Variants in LRRC7 observed in about 807,000 individuals in gnomAD.
LRRC7 encodes leucine rich repeat containing 7, also known as leucine-rich repeat-containing protein 7.
Under a neutral mutation model 175.7 loss-of-function variants are expected in LRRC7, and 23 were observed. The observed-to-expected ratio is 0.13, with a 90% CI of 0.09 to 0.19. LRRC7 has a LOEUF of 0.19. Among genes scored for constraint, LRRC7 ranks in the 10% least tolerant of loss-of-function variants. The pLI, the probability that LRRC7 is intolerant of heterozygous loss-of-function variation, is 1.00. For synonymous variants in LRRC7, 685 were observed against 680.9 expected (o/e 1.01, Z -0.09); for missense variants, 1,354 against 1,904.7 (o/e 0.71, Z 5.38).
In LRRC7 at chr1:69,750,220, A is replaced by T. The variant is rs967988990; in HGVS notation, c.101-9971A>T. 1.1e-4 allele frequency among the ~76,000 whole-genome samples: 17 copies of T among 152,184 alleles called. 1 individual carries two copies. Among genetic ancestry groups the T allele is most frequent in the Middle Eastern group, 3.4e-3 (1 of 294 alleles). On this transcript the variant is annotated intron_variant, in intron 2 of 26. Transcript: ENST00000651989. ...GAAAGGTTGGTTAATGGGTAAAAAA[A>T]TACAGTTAAGAGCAAAGGAGCAAGT...
Position 69,786,207 on chromosome 1 carries a change from A to C in LRRC7, c.304-5836A>C, listed in dbSNP as rs376037717. On this transcript the variant is annotated intron_variant, in intron 3 of 26. Coordinates refer to ENST00000651989, the MANE Select transcript of LRRC7 (RefSeq NM_001370785.2). ...ACCTGGCACTTGGGGCAATACTAAC[A>C]CAGGACCACTTATAACTCTCAAGTG... 1.1e-4 allele frequency among the ~76,000 whole-genome samples: 17 copies of C among 152,194 alleles called. 1 individual carries two copies. Among genetic ancestry groups the C allele is most frequent in the Admixed American group, 7.9e-4 (12 of 15,278 alleles).
chr1:69,706,111 G>A (rs1664008016), intron 2 of LRRC7, among the ~76,000 whole-genome samples: 1 of 152,022 alleles, frequency 6.6e-6, no homozygotes, highest in Non-Finnish European at 1.5e-5. Context: ...CAAGTTAATG[G>A]CCTTGTCTTG....
chr1:69,597,297 TA>T lies in LRRC7; in HGVS notation c.2+28658del, dbSNP rs137879756. Among the ~76,000 whole-genome samples the T allele has an allele frequency of 7.1e-3, 1,079 of 152,284 alleles. 6 individuals are homozygous for T. Among genetic ancestry groups the T allele is most frequent in the Middle Eastern group, 0.031 (9 of 294 alleles). ...TAATCTCATTCCACCACATTCTAGC[TA>T]ACCTTGGATGGGTTATTCAATTTTG... On this transcript the variant is annotated intron_variant, in intron 1 of 26. Transcript: ENST00000651989.
chr1:69,910,346 A>G (rs2101699352), intron 7 of LRRC7, among the ~76,000 whole-genome samples: 1 of 152,162 alleles, frequency 6.6e-6, no homozygotes. Context: ...GATGATGGTG[A>G]CGTACAGAAG....
chr1:69,918,427 G>C (rs369207127), intron 7 of LRRC7, among the ~76,000 whole-genome samples: 50 of 152,242 alleles, frequency 3.3e-4, no homozygotes, highest in African/African-American at 1.2e-3. Flanking sequence ...AATCTTACTT[G>C]TTTGTATGCT....
chr1:69,889,180 T>C (rs1441689400), intron 7 of LRRC7, among the ~76,000 whole-genome samples: 1 of 152,220 alleles, frequency 6.6e-6, no homozygotes, highest in Non-Finnish European at 1.5e-5. Context: ...TGTTAGTGAC[T>C]GCTGACTGAT....
At chr1:69,766,780 A>C (rs1671667415) in intron 3 of LRRC7, among the ~76,000 whole-genome samples, 2 of 152,238 alleles carry the variant, frequency 1.3e-5, no homozygotes, top group African/African-American at 4.8e-5. Flanking sequence ...TTTAATTGTA[A>C]ATGCTTTCAC....
intron 11 of LRRC7, among the ~76,000 whole-genome samples, chr1:70,001,748 AC>A: frequency 6.6e-6 from 1 of 152,278 alleles, no homozygotes; most frequent in East Asian, 1.9e-4. Flanking sequence ...TTGTTGCTGA[AC>A]CTTACTATGT....
chr1:69,777,630 C>T (rs1672959362), intron 3 of LRRC7, among the ~76,000 whole-genome samples: 1 of 152,160 alleles, frequency 6.6e-6, no homozygotes, highest in Admixed American at 6.5e-5. Context: ...TTACCTGTTT[C>T]AGTTGGTGAC....
chr1:69,711,909 A>G (rs898959376), intron 2 of LRRC7, among the ~76,000 whole-genome samples: 1 of 152,170 alleles, frequency 6.6e-6, no homozygotes, highest in African/African-American at 2.4e-5. Context: ...AAAGATGTAG[A>G]AAGTTCAGGA....
At chr1:70,103,220 C>A (rs1206604277) in intron 25 of LRRC7, among the ~76,000 whole-genome samples, 1 of 150,256 alleles carries the variant, frequency 6.7e-6, no homozygotes, top group Non-Finnish European at 1.5e-5. Context: ...CAGAATGAAA[C>A]CCTGTCTCAA....
At chr1:69,823,622 G>A (rs572081290) in intron 4 of LRRC7, among the ~76,000 whole-genome samples, 49 of 152,070 alleles carry the variant, frequency 3.2e-4, no homozygotes, top group African/African-American at 1.2e-3. Flanking sequence ...TATTCTTTCA[G>A]CACACTAATT....
chr1:69,945,304 T>C (rs1389606165), intron 8 of LRRC7, among the ~76,000 whole-genome samples: 1 of 152,104 alleles, frequency 6.6e-6, no homozygotes, highest in Non-Finnish European at 1.5e-5. Flanking sequence ...GAAGATCAGT[T>C]CATTAGTATA....
At chr1:69,996,980 T>C (rs1321941351) in intron 11 of LRRC7, among the ~76,000 whole-genome samples, 2 of 152,228 alleles carry the variant, frequency 1.3e-5, no homozygotes, top group Non-Finnish European at 1.5e-5. Flanking sequence ...ATCTGTAAAT[T>C]ACCTTGCGCA....
intron 11 of LRRC7, among the ~76,000 whole-genome samples, chr1:70,011,375 C>T (rs1656493562): frequency 6.6e-6 from 1 of 151,772 alleles, no homozygotes; most frequent in African/African-American, 2.4e-5. Flanking sequence ...AGTAAAATAC[C>T]TAACATTTTA....
intron 7 of LRRC7, among the ~76,000 whole-genome samples, chr1:69,886,874 T>C (rs1430398981): frequency 2.0e-5 from 3 of 151,462 alleles, no homozygotes; most frequent in Admixed American, 1.3e-4. Flanking sequence ...CCTTCACTTA[T>C]GAAGCTTAGT....
intron 7 of LRRC7, among the ~76,000 whole-genome samples, chr1:69,838,684 T>C (rs2101359851): frequency 6.6e-6 from 1 of 152,102 alleles, no homozygotes; most frequent in East Asian, 1.9e-4. Flanking sequence ...ATCAAGAATA[T>C]GCCAGAAATT....
intron 1 of LRRC7, among the ~76,000 whole-genome samples, chr1:69,619,363 T>C (rs1422155396): frequency 6.6e-6 from 1 of 151,970 alleles, no homozygotes; most frequent in East Asian, 1.9e-4. Flanking sequence ...CTAGTACTTC[T>C]GTTCTTCACT....
At chr1:69,597,551 G>C (rs1319301448) in intron 1 of LRRC7, among the ~76,000 whole-genome samples, 1 of 152,096 alleles carries the variant, frequency 6.6e-6, no homozygotes, top group Non-Finnish European at 1.5e-5. Flanking sequence ...GCTATAATTT[G>C]AGCAATACAT....
Sources: gnomAD v4.1 joint callset for allele counts (sites outside exome capture counted in the v4.1 genomes callset) on GRCh38, gnomAD v4.1.1 for gene constraint, MANE v1.5 for transcripts, NCBI Gene and HGNC (gene_info 2026-07-23, HGNC 2026-07-21) for gene names.